RASA3: variants seen among roughly 807,000 people sequenced by gnomAD.
The protein encoded by RASA3 is RAS p21 protein activator 3.
Under a neutral mutation model 110.0 loss-of-function variants are expected in RASA3, and 73 were observed. That is an observed-to-expected ratio of 0.66 (90% CI 0.55 to 0.81). The LOEUF is 0.81. Among genes scored for constraint, RASA3 ranks in the 30% least tolerant of loss-of-function variants. The probability of loss-of-function intolerance (pLI) is 0.00; values close to 1 mark genes in which losing one functional copy is unlikely to be tolerated. For missense variants in RASA3, 976 were observed against 1,113.2 expected (o/e 0.88, Z 1.75); for synonymous variants, 500 against 451.4 (o/e 1.11, Z -1.37).
Position 114,001,291 on chromosome 13 carries a change from C to T in RASA3, c.1743-359G>A, listed in dbSNP as rs58114462. Among the ~76,000 whole-genome samples, 953 of 150,686 alleles carry T rather than the reference C, an allele frequency of 6.3e-3. 10 individuals carry two copies. Among genetic ancestry groups the T allele is most frequent in the African/African-American group, 0.022 (891 of 41,086 alleles). Reference sequence around the variant, plus strand: ...GCTCAGGGTCAGGGAGGGCAGCGGACGCCCACACAACACGGAGGACCTGCG... The same window carrying T: ...GCTCAGGGTCAGGGAGGGCAGCGGATGCCCACACAACACGGAGGACCTGCG... On this transcript the variant is annotated intron_variant, in intron 18 of 23. Coordinates refer to ENST00000334062, the MANE Select transcript of RASA3 (RefSeq NM_007368.4).
At chr13:114,040,977 C>T (rs200389361) in intron 4 of RASA3, 23 bp downstream of exon 4, 35 of 1,611,376 alleles carry the variant, frequency 2.2e-5, no homozygotes, top group Admixed American at 1.0e-4. Flanking sequence ...CTCTGGTTTC[C>T]GGGGCTGCGC....
intron 22 of RASA3, 89 bp from the exon 23 acceptor site, chr13:113,981,947 C>T (rs1425772827): frequency 1.1e-5 from 14 of 1,251,334 alleles, no homozygotes; most frequent in South Asian, 3.0e-5. Context: ...GCCCCACCCA[C>T]AGTACACATC....
At chr13:114,016,041 C>T (rs2139288239) in intron 13 of RASA3, among the ~76,000 whole-genome samples, 156 bp downstream of exon 13, 1 of 152,194 alleles carries the variant, frequency 6.6e-6, no homozygotes, top group South Asian at 2.1e-4. Flanking sequence ...AGTAGTGCAG[C>T]CAGCGTACTG....
chr13:114,025,561 C>A (rs1398123505), intron 7 of RASA3, among the ~76,000 whole-genome samples: 1 of 152,258 alleles, frequency 6.6e-6, no homozygotes, highest in Admixed American at 6.5e-5. Flanking sequence ...GCATCCCTCC[C>A]ATGCTGGCCT....
chr13:114,061,683 AAAAAAAAAAG>A lies in RASA3; in HGVS notation c.174-9538_174-9529del, dbSNP rs1212691373. ...CAAAGCAAGACTCTGTCTCAAAAAA[AAAAAAAAAAG>A]AAAAAGAAAGAAAGAAATACGAGCT... On this transcript the variant is annotated intron_variant, in intron 2 of 23. Transcript: ENST00000334062. Among the ~76,000 whole-genome samples, 3 of 151,890 alleles carry A rather than the reference AAAAAAAAAAG, an allele frequency of 2.0e-5. No homozygotes were observed. The East Asian group carries it at 5.8e-4, about 29-fold the overall frequency.
intron 21 of RASA3, 128 bp downstream of exon 21, chr13:113,996,403 G>A (rs1456837145): frequency 5.1e-6 from 5 of 974,464 alleles, no homozygotes; most frequent in South Asian, 1.7e-5. Context: ...CCTGGGAGGA[G>A]GCGAGGGCAG....
At chr13:114,015,408 G>A (rs532942407) in intron 13 of RASA3, 76 bp from the exon 14 acceptor site, 9 of 1,578,738 alleles carry the variant, frequency 5.7e-6, no homozygotes, top group Non-Finnish European at 7.8e-6. Flanking sequence ...CACGCCCAGG[G>A]AGGGGCGCGT....
rs139313312 is a variant in RASA3, at chr13:114,110,324, G to A, written c.55+22111C>T. On this transcript the variant is annotated intron_variant, in intron 1 of 23. Transcript: ENST00000334062. ...CCCTGACCATACCCTGTGCTGTAACGCCTGCAAGGTAGATTTTAAGTAATT... is the reference window on the plus strand; with the variant it reads ...CCCTGACCATACCCTGTGCTGTAACACCTGCAAGGTAGATTTTAAGTAATT... Among the ~76,000 whole-genome samples, 349 of 152,330 alleles carry A rather than the reference G, an allele frequency of 2.3e-3. 1 individual carries two copies. Among genetic ancestry groups the A allele is most frequent in the African/African-American group, 8.0e-3 (331 of 41,570 alleles).
At position 114,132,567 on chromosome 13, in the gene RASA3, G is replaced by C. The variant is rs1230469870; in HGVS notation, c.-78C>G. The C allele has an allele frequency of 8.3e-7, 1 of 1,204,702 alleles. No homozygotes were observed. Among genetic ancestry groups the C allele is most frequent in the East Asian group, 3.4e-5 (1 of 29,632 alleles). 74.6% of individuals were successfully genotyped at this position (1,204,702 alleles called of 1,614,324 possible). ...CAGCTCAGGCCGAGCAGGAGGAGCG[G>C]CGGCGCCGGAGCCCCGAGCGCGGCC... On this transcript the variant is annotated 5_prime_UTR_variant, in exon 1 of 24. Coordinates refer to ENST00000334062, the MANE Select transcript of RASA3 (RefSeq NM_007368.4).
chr13:114,038,022 G>C (rs1042405679), intron 4 of RASA3, among the ~76,000 whole-genome samples: 3 of 151,626 alleles, frequency 2.0e-5, no homozygotes, highest in Admixed American at 6.6e-5. Flanking sequence ...CGCCACTCCT[G>C]TGTACTGTTT....
chr13:114,047,114 G>A (rs546698590), intron 3 of RASA3, among the ~76,000 whole-genome samples: 1 of 152,102 alleles, frequency 6.6e-6, no homozygotes, highest in Non-Finnish European at 1.5e-5. Flanking sequence ...AAAGCCAATG[G>A]TAAGAAAATG....
At chr13:114,060,332 G>A (rs1166118088) in intron 2 of RASA3, among the ~76,000 whole-genome samples, 7 of 152,322 alleles carry the variant, frequency 4.6e-5, no homozygotes, top group Admixed American at 1.3e-4. Context: ...CTGGATGGAC[G>A]GATGCACGGA....
intron 13 of RASA3, among the ~76,000 whole-genome samples, chr13:114,015,665 T>A (rs2053774519): frequency 6.6e-6 from 1 of 152,210 alleles, no homozygotes; most frequent in African/African-American, 2.4e-5. Flanking sequence ...AACAGCACGC[T>A]CTGCAAGAAG....
intron 1 of RASA3, among the ~76,000 whole-genome samples, chr13:114,110,667 T>C (rs1171332866): frequency 6.6e-6 from 1 of 152,370 alleles, no homozygotes; most frequent in South Asian, 2.1e-4. Context: ...CCCTGGCTGC[T>C]GTGAGGACCG....
At chr13:114,005,606 G>A (rs917546982) in intron 18 of RASA3, among the ~76,000 whole-genome samples, 10 of 152,182 alleles carry the variant, frequency 6.6e-5, no homozygotes, top group African/African-American at 2.2e-4. Flanking sequence ...AGCCCCAAGT[G>A]CGGGTGTGGA....
At position 114,055,516 on chromosome 13, in the gene RASA3, G is replaced by T. The variant is rs534749924; in HGVS notation, c.174-3361C>A. Among the ~76,000 whole-genome samples, 326 of 152,358 alleles carry T rather than the reference G, an allele frequency of 2.1e-3. 7 individuals carry two copies. Among genetic ancestry groups the T allele is most frequent in the Non-Finnish European group, 4.6e-4 (31 of 68,034 alleles). On this transcript the variant is annotated intron_variant, in intron 2 of 23. Transcript: ENST00000334062. ...CGAAGCCAAAAGGGACACCAGACGTGCATTTTAATATTCACGACAAGGCCT... is the reference window on the plus strand; with the variant it reads ...CGAAGCCAAAAGGGACACCAGACGTTCATTTTAATATTCACGACAAGGCCT...
chr13:114,035,310 C>T (rs578004020), intron 4 of RASA3, among the ~76,000 whole-genome samples: 96 of 152,252 alleles, frequency 6.3e-4, no homozygotes, highest in Non-Finnish European at 1.2e-3. Flanking sequence ...GACCCTGGCA[C>T]CTGCCTGGAC....
chr13:114,123,181 G>A (rs1031710079), intron 1 of RASA3, among the ~76,000 whole-genome samples: 1 of 152,208 alleles, frequency 6.6e-6, no homozygotes, highest in Non-Finnish European at 1.5e-5. Context: ...GGACGCCGAG[G>A]TGGCCGCCCC....
rs2053627708 is a variant in RASA3 at position 114,011,060 on chromosome 13, G to A, written c.1590+111C>T. 3 of 1,048,376 alleles carry A rather than the reference G, an allele frequency of 2.9e-6. No homozygotes were observed. Among genetic ancestry groups the A allele is most frequent in the African/African-American group, 1.6e-5 (1 of 63,598 alleles). The allele number at this position is 1,048,376 out of a possible 1,614,324, so 64.9% of individuals were successfully genotyped here. A position where few individuals can be genotyped will look rare whatever the true frequency, so the allele number is the denominator to read the frequency against. On this transcript the variant is annotated intron_variant, in intron 16 of 23. Coordinates refer to ENST00000334062, the MANE Select transcript of RASA3 (RefSeq NM_007368.4). The surrounding 1 kb of genome is among the most constrained non-coding windows in gnomAD (Gnocchi z 4.8). ...GGATGTGGTGCCGGCTTTGATTCTT[G>A]ATCTTTATCTTACGACTCTCTCAAA...
Sources: gnomAD v4.1 joint callset for allele counts (sites outside exome capture counted in the v4.1 genomes callset) on GRCh38, gnomAD v4.1.1 for gene constraint, Gnocchi (gnomAD v3.1) non-coding constraint, MANE v1.5 for transcripts, NCBI Gene and HGNC (gene_info 2026-07-23, HGNC 2026-07-21) for gene names.